The following MICAL1 variants were observed in gnomAD, a reference collection of about 807,000 sequenced individuals.
The protein encoded by MICAL1 is [F-actin]-monooxygenase MICAL1.
In MICAL1, 95 loss-of-function variants were observed where a neutral mutation model predicts 131.8. That is an observed-to-expected ratio of 0.72 (90% CI 0.61 to 0.86). The LOEUF is 0.86. Ranked by LOEUF, MICAL1 falls within the 40% of genes least tolerant of loss-of-function variation. MICAL1 has a pLI of 0.00. For synonymous variants in MICAL1, 546 were observed against 554.2 expected (o/e 0.99, Z 0.21); for missense variants, 1,292 against 1,380.6 (o/e 0.94, Z 1.02).
At chr6:109,463,785 TA>T (rs150689460) in intron 1 of MICAL1, 2 of 152,344 alleles carry the variant, frequency 1.3e-5, no homozygotes, top group East Asian at 3.9e-4. Flanking sequence ...TATGTTGAAA[TA>T]TTTGGCAAAT....
At position 109,445,535 on chromosome 6, in the gene MICAL1, G is replaced by T; in HGVS notation, c.2674-6C>A. 1 of 1,613,950 alleles carries T rather than the reference G, an allele frequency of 6.2e-7. No individual in the cohort carries two copies. The highest frequency in any genetic ancestry group is 1.1e-5 in the South Asian group (1 of 91,070). On this transcript the variant is annotated splice_region_variant and splice_polypyrimidine_tract_variant and intron_variant, in intron 20 of 24. Coordinates refer to ENST00000358807, the MANE Select transcript of MICAL1 (RefSeq NM_022765.4). ...TTGGCAAAGGTCTGCAGGGCCTATA[G>T]GAGGGTCAGGCCAGTCAGGGATAGG...
In MICAL1 at chr6:109,444,293, C is replaced by T. The variant is rs1369202014; in HGVS notation, c.3102G>A (p.Leu1034=). The T allele has an allele frequency of 4.3e-6, 7 of 1,613,498 alleles. No individual in the cohort carries two copies. Among genetic ancestry groups the T allele is most frequent in the East Asian group, 4.5e-5 (2 of 44,868 alleles). The change falls in exon 25 of 25, where the codon CTG becomes CTA. Residue 1034 remains leucine, a synonymous_variant. Coordinates refer to ENST00000358807, the MANE Select transcript of MICAL1 (RefSeq NM_022765.4). ...AADRQAEDQV[L]RKLVDLVNQR... ...GGTTGACCAAATCCACCAGCTTCCT[C>T]AGGACCTGGTCCTCAGCCTGCCGAT...
chr6:109,452,383 A>G lies in MICAL1; in HGVS notation c.695T>C (p.Met232Thr), dbSNP rs1282430896. 6.8e-6 allele frequency: 11 copies of G among 1,613,978 alleles called. No homozygotes were observed. The highest frequency in any genetic ancestry group is 1.7e-5 in the Admixed American group (1 of 60,006). Residue 232 changes from methionine (M) to threonine (T), a missense_variant, in exon 6 of 25, where the codon ATG becomes ACG. Physicochemically the swap from Met to Thr is moderately conservative, Grantham distance 81. Transcript: ENST00000358807. Reference sequence around the variant, plus strand: ...GATGCCAATGGCCAGTTTGCCTCGCATTTCTCGAACTTTGAAGCCTAGAGG... The same window carrying G: ...GATGCCAATGGCCAGTTTGCCTCGCGTTTCTCGAACTTTGAAGCCTAGAGG... Reference protein sequence around the residue: ...FVPEGFKVREMRGKLAIGITA... With the variant: ...FVPEGFKVRETRGKLAIGITA...
intron 12 of MICAL1, 135 bp downstream of exon 12, chr6:109,448,597 C>G: frequency 1.4e-6 from 2 of 1,390,832 alleles, no homozygotes; most frequent in South Asian, 1.3e-5. Flanking sequence ...ACAAAGCTCT[C>G]CACTATCTGA....
Position 109,444,202 on chromosome 6 carries a change from C to A in MICAL1, c.3193G>T (p.Ala1065Ser), listed in dbSNP as rs376738671. ...CGGCCCACCCTCGTCTAGCCCTGGGCCCCTGTCCCCAAGGCCAGCTCGCTG... is the reference window on the plus strand; with the variant it reads ...CGGCCCACCCTCGTCTAGCCCTGGGACCCTGTCCCCAAGGCCAGCTCGCTG... ...RLSELALGTG[A>S]QG Residue 1065 changes from alanine to serine, a missense_variant, in exon 25 of 25, where the codon GCC becomes TCC. By Grantham distance (99) the Ala-to-Ser change is moderately conservative. Transcript: ENST00000358807. The A allele has an allele frequency of 6.2e-7, 1 of 1,612,760 alleles. No homozygotes were observed. Among genetic ancestry groups the A allele is most frequent in the Non-Finnish European group, 8.5e-7 (1 of 1,179,930 alleles).
At chr6:109,449,510 C>A (rs754536654) in intron 10 of MICAL1, 29 bp from the exon 11 acceptor site, 1 of 1,613,930 alleles carries the variant, frequency 6.2e-7, no homozygotes, top group South Asian at 1.1e-5. Flanking sequence ...GGTCTCAAGG[C>A]AGGCTGGCCA....
intron 1 of MICAL1, chr6:109,463,375 T>C (rs1447814211): frequency 6.6e-6 from 1 of 152,214 alleles, no homozygotes; most frequent in Non-Finnish European, 1.5e-5. Flanking sequence ...CTTGTTTCTC[T>C]TTGACAGCTG....
intron 1 of MICAL1, among the ~76,000 whole-genome samples, chr6:109,460,927 A>AGTTGGAAAT (rs1775872087): frequency 6.6e-6 from 1 of 152,214 alleles, no homozygotes; most frequent in Non-Finnish European, 1.5e-5. Flanking sequence ...TCACCTTACC[A>AGTTGGAAAT]GTAACTTTCA....
rs114676024 is a variant in MICAL1, at chr6:109,461,642, A to G, written c.14+4022T>C. Among the ~76,000 whole-genome samples, 911 of 152,270 alleles carry G rather than the reference A, an allele frequency of 6.0e-3. 11 individuals are homozygous for G. Among genetic ancestry groups the G allele is most frequent in the African/African-American group, 0.021 (884 of 41,552 alleles). On this transcript the variant is annotated intron_variant, in intron 1 of 24. Coordinates refer to the MICAL1 transcript ENST00000630715. ...CCCTCAATTTTAGTCAAAAACTTCT[A>G]TTACATTAAGCAGGTCACATTCTTT...
At position 109,449,798 on chromosome 6, in the gene MICAL1, G is replaced by A. The variant is rs757089906; in HGVS notation, c.1308-15C>T. ...ACAGGCTCTCACTGAGGGGGTGAGG[G>A]TAAGGGGCAGGGGCATGAATGGGAG... On this transcript the variant is annotated splice_polypyrimidine_tract_variant and intron_variant, in intron 9 of 24. Transcript: ENST00000358807. 2 of 1,603,312 alleles carry A rather than the reference G, an allele frequency of 1.2e-6. No individual in the cohort carries two copies. The highest frequency in any genetic ancestry group is 2.2e-5 in the East Asian group (1 of 44,866).
At chr6:109,462,077 A>C (rs540521568) in intron 1 of MICAL1, among the ~76,000 whole-genome samples, 89 of 152,192 alleles carry the variant, frequency 5.8e-4, no homozygotes, top group Non-Finnish European at 1.1e-3. Flanking sequence ...CCAAATTCAC[A>C]TGTTGATGTC....
At chr6:109,452,988 C>T (rs1007093348) in intron 4 of MICAL1, among the ~76,000 whole-genome samples, 5 of 152,108 alleles carry the variant, frequency 3.3e-5, no homozygotes, top group Non-Finnish European at 7.3e-5. Flanking sequence ...GAAACCCCGT[C>T]TCTACTTAAA....
In MICAL1 at chr6:109,447,108, AGT is replaced by A. The variant is rs1435753604; in HGVS notation, c.2190_2191del (p.Leu731ValfsTer32). On this transcript the variant is annotated frameshift_variant, in exon 17 of 25. Transcript: ENST00000358807. LOFTEE classifies it high-confidence loss of function. The stretch of plus-strand genomic sequence containing the variant: ...GTGCTGCTCGTAGCCACCTGGCCAC[AGT>A]GTGGCCTCACAGGTATGGCAGCGGA... 1 of 1,614,008 alleles carries A rather than the reference AGT, an allele frequency of 6.2e-7. No homozygotes were observed. Among genetic ancestry groups the A allele is most frequent in the Non-Finnish European group, 8.5e-7 (1 of 1,180,012 alleles).
rs1011703706 is a variant in MICAL1 at position 109,448,633 on chromosome 6, C to T, written c.1664+99G>A. 5.7e-5 allele frequency: 87 copies of T among 1,515,340 alleles called. 1 individual carries two copies. Among genetic ancestry groups the T allele is most frequent in the South Asian group, 1.2e-4 (10 of 83,842 alleles). The allele number at this position is 1,515,340 out of a possible 1,614,324, so 93.9% of individuals were successfully genotyped here. On this transcript the variant is annotated intron_variant, in intron 12 of 24. Coordinates refer to ENST00000358807, the MANE Select transcript of MICAL1 (RefSeq NM_022765.4). ...ATGCATTAGAGTCTCACAAGACTGT[C>T]GGCAGATGCAGGGAAGCACACTGTC...
chr6:109,463,930 G>A (rs1775970936), intron 1 of MICAL1: 1 of 152,172 alleles, frequency 6.6e-6, no homozygotes, highest in Non-Finnish European at 1.5e-5. Flanking sequence ...GACTGTTATA[G>A]AGCCAGTGAA....
At position 109,455,707 on chromosome 6, in the gene MICAL1, T is replaced by G. The variant is rs954443712; in HGVS notation, c.-44+12A>C. ...CCGCGGGGCTCGCAGCCGGCTCCGC[T>G]GGACGACTTACCGGCGGCTCCGAAG... is the stretch of plus-strand genomic sequence containing the variant. On this transcript the variant is annotated intron_variant, in intron 1 of 24. Coordinates refer to ENST00000358807, the MANE Select transcript of MICAL1 (RefSeq NM_022765.4). This position sits in a 1 kb window ranked among gnomAD's most constrained non-coding sequence, Gnocchi z 4.7. 1 of 976,082 alleles carries G rather than the reference T, an allele frequency of 1.0e-6. No homozygotes were observed. Among genetic ancestry groups the G allele is most frequent in the African/African-American group, 1.8e-5 (1 of 54,294 alleles). The allele number at this position is 976,082 out of a possible 1,614,324, so 60.5% of individuals were successfully genotyped here.
Position 109,451,544 on chromosome 6 carries a change from G to C in MICAL1, c.933+56C>G, listed in dbSNP as rs146022242. 1.0e-3 allele frequency: 1,622 copies of C among 1,604,186 alleles called. 18 individuals carry two copies. The African/African-American group carries it at 0.02, about 19-fold the overall frequency. ...CAGGTGTCGACTATGTCCAAGCCTA[G>C]CCTCTGCCTCCCGGGGCTCACCACC... On this transcript the variant is annotated intron_variant, in intron 7 of 24. Transcript: ENST00000358807.
intron 4 of MICAL1, 45 bp downstream of exon 4, chr6:109,453,218 C>T (rs368512339): frequency 1.6e-4 from 249 of 1,512,946 alleles, no homozygotes; most frequent in Non-Finnish European, 2.2e-4. Flanking sequence ...TGGCCAAGTT[C>T]TTGATGGGGG....
At chr6:109,460,599 G>T (rs1302851195), upstream of MICAL1, among the ~76,000 whole-genome samples, 1 of 151,646 alleles carries the variant, frequency 6.6e-6, no homozygotes, top group African/African-American at 2.4e-5. Flanking sequence ...TAAAGGATTT[G>T]AGAGCAGGAT....
Sources: allele counts gnomAD v4.1 joint callset (sites outside exome capture counted in the v4.1 genomes callset), GRCh38; gene constraint gnomAD v4.1.1; non-coding constraint Gnocchi (gnomAD v3.1); transcripts MANE v1.5; gene names NCBI Gene and HGNC (gene_info 2026-07-23, HGNC 2026-07-21).